Variants in TNR observed in about 807,000 individuals in gnomAD.
TNR encodes the protein tenascin-R.
In TNR, 45 loss-of-function variants were observed where a neutral mutation model predicts 150.4. That is an observed-to-expected ratio of 0.30 (90% CI 0.24 to 0.38). The LOEUF is 0.38. Among genes scored for constraint, TNR ranks in the 10% least tolerant of loss-of-function variants. The probability of loss-of-function intolerance (pLI) is 1.00; values close to 1 mark genes in which losing one functional copy is unlikely to be tolerated. For synonymous variants in TNR, 687 were observed against 678.4 expected (o/e 1.01, Z -0.20); for missense variants, 1,544 against 1,759.1 (o/e 0.88, Z 2.19).
Position 175,403,274 on chromosome 1 carries a change from C to T in TNR, c.842G>A (p.Cys281Tyr). The T allele has an allele frequency of 6.2e-7, 1 of 1,614,188 alleles. No individual in the cohort carries two copies. Among genetic ancestry groups the T allele is most frequent in the Non-Finnish European group, 8.5e-7 (1 of 1,180,028 alleles). ...ACCAACGTAGCCCTCCTCGCATAAACAGGTACCGTTGGCACATCTCCCCTT... is the reference window on the plus strand; with the variant it reads ...ACCAACGTAGCCCTCCTCGCATAAATAGGTACCGTTGGCACATCTCCCCTT... ...SGKGRCANGT[C>Y]LCEEGYVGED... The change falls in exon 4 of 23, where the codon TGT (cysteine) becomes TAT (tyrosine). Residue 281 changes from cysteine (C) to tyrosine (Y), a missense_variant. Physicochemically the swap from Cys to Tyr is radical, Grantham distance 194 (BLOSUM62 -2). Coordinates refer to ENST00000367674, the MANE Select transcript of TNR (RefSeq NM_003285.3).
At chr1:175,378,642 C>T (rs555310953) in intron 9 of TNR, among the ~76,000 whole-genome samples, 3 of 152,310 alleles carry the variant, frequency 2.0e-5, no homozygotes, top group East Asian at 3.9e-4. Context: ...GCAGAGGGAA[C>T]AGCATTTGCC....
chr1:175,649,131 G>A (rs1664882962), intron 1 of TNR, among the ~76,000 whole-genome samples: 1 of 152,220 alleles, frequency 6.6e-6, no homozygotes, highest in South Asian at 2.1e-4. Flanking sequence ...ATTCGGCCAT[G>A]GTCAGGCCGG....
chr1:175,341,736 A>C (rs1175676885), intron 18 of TNR, among the ~76,000 whole-genome samples: 1 of 152,216 alleles, frequency 6.6e-6, no homozygotes, highest in Non-Finnish European at 1.5e-5. Context: ...CAATGTCAGC[A>C]TTTGTCTCTG....
intron 2 of TNR, among the ~76,000 whole-genome samples, chr1:175,503,420 AAT>A (rs1307712482): frequency 2.0e-5 from 3 of 152,172 alleles, no homozygotes; most frequent in African/African-American, 4.8e-5. Context: ...TAAATTAGGT[AAT>A]ATATATATGA....
At chr1:175,355,279 G>C (rs1160080981) in intron 17 of TNR, among the ~76,000 whole-genome samples, 1 of 152,174 alleles carries the variant, frequency 6.6e-6, no homozygotes, top group Non-Finnish European at 1.5e-5. Context: ...AACTTACGTA[G>C]AGAGTAGCAG....
At chr1:175,351,619 T>C (rs1047175854) in intron 18 of TNR, among the ~76,000 whole-genome samples, 1 of 152,240 alleles carries the variant, frequency 6.6e-6, no homozygotes, top group Non-Finnish European at 1.5e-5. Flanking sequence ...TTGTGCAAGA[T>C]ACTTTCACAT....
chr1:175,435,282 T>C (rs551148408), intron 2 of TNR, among the ~76,000 whole-genome samples: 1 of 152,296 alleles, frequency 6.6e-6, no homozygotes, highest in South Asian at 2.1e-4. Flanking sequence ...AGATTCTAGA[T>C]ACATTTTGAA....
intron 9 of TNR, among the ~76,000 whole-genome samples, chr1:175,374,283 A>C (rs758003799): frequency 1.3e-5 from 2 of 152,136 alleles, no homozygotes; most frequent in Non-Finnish European, 2.9e-5. Context: ...TCACCACTAG[A>C]TCCCCATTTG....
intron 1 of TNR, among the ~76,000 whole-genome samples, chr1:175,553,674 C>A (rs1661032074): frequency 6.6e-6 from 1 of 151,978 alleles, no homozygotes; most frequent in Non-Finnish European, 1.5e-5. Context: ...AAGAAAAATA[C>A]AATAATAATA....
At chr1:175,487,809 A>C (rs1477484925) in intron 2 of TNR, among the ~76,000 whole-genome samples, 2 of 152,212 alleles carry the variant, frequency 1.3e-5, no homozygotes, top group Non-Finnish European at 2.9e-5. Flanking sequence ...TCTTGTTTTT[A>C]ATACCAAATG....
chr1:175,617,011 C>T (rs535291633), intron 1 of TNR, among the ~76,000 whole-genome samples: 84 of 152,306 alleles, frequency 5.5e-4, no homozygotes, highest in African/African-American at 1.9e-3. Flanking sequence ...ACAATGTCTA[C>T]TCTTTCCACC....
chr1:175,475,114 G>C (rs1657489144), intron 2 of TNR, among the ~76,000 whole-genome samples: 1 of 152,128 alleles, frequency 6.6e-6, no homozygotes, highest in South Asian at 2.1e-4. Flanking sequence ...TATCACCCAA[G>C]TCACCAAGTC....
intron 2 of TNR, among the ~76,000 whole-genome samples, chr1:175,525,057 G>A (rs1487730162): frequency 1.3e-5 from 2 of 152,144 alleles, no homozygotes; most frequent in Non-Finnish European, 2.9e-5. Flanking sequence ...GGGACCTGGT[G>A]GGAGGTACTT....
chr1:175,520,165 A>C (rs1318667235), intron 2 of TNR, among the ~76,000 whole-genome samples: 2 of 152,142 alleles, frequency 1.3e-5, no homozygotes, highest in African/African-American at 4.8e-5. Flanking sequence ...TCAGGACTCT[A>C]TTTTTTCCCT....
At chr1:175,443,156 C>T (rs149451918) in intron 2 of TNR, among the ~76,000 whole-genome samples, 37 of 152,142 alleles carry the variant, frequency 2.4e-4, no homozygotes, top group African/African-American at 8.2e-4. Flanking sequence ...CTGCCAATTG[C>T]CAGAGTAATA....
At chr1:175,600,742 A>G (rs1663201552) in intron 1 of TNR, among the ~76,000 whole-genome samples, 2 of 152,226 alleles carry the variant, frequency 1.3e-5, no homozygotes, top group African/African-American at 2.4e-5. Flanking sequence ...AAAAATTTTC[A>G]ACAACTTACC....
intron 1 of TNR, among the ~76,000 whole-genome samples, chr1:175,550,108 G>A (rs1485560572): frequency 2.6e-5 from 4 of 152,158 alleles, no homozygotes; most frequent in African/African-American, 7.2e-5. Flanking sequence ...TGAGAAACAG[G>A]TAGACATAGG....
intron 1 of TNR, among the ~76,000 whole-genome samples, chr1:175,566,156 C>A (rs191193372): frequency 1.4e-3 from 219 of 152,312 alleles, no homozygotes; most frequent in Admixed American, 2.7e-3. Context: ...CCTGAATAAA[C>A]GAGAGTTCAT....
chr1:175,392,092 A>T (rs1421046654), intron 6 of TNR, among the ~76,000 whole-genome samples: 1 of 152,244 alleles, frequency 6.6e-6, no homozygotes, highest in African/African-American at 2.4e-5. Flanking sequence ...TTGGAAAAAG[A>T]TAATACAAAG....
Sources: allele counts gnomAD v4.1 joint callset (sites outside exome capture counted in the v4.1 genomes callset), GRCh38; gene constraint gnomAD v4.1.1; transcripts MANE v1.5; gene names NCBI Gene and HGNC (gene_info 2026-07-23, HGNC 2026-07-21).